MIPOL1: variants seen among roughly 807,000 people sequenced by gnomAD.
The protein encoded by MIPOL1 is mirror-image polydactyly 1.
In MIPOL1, 57 loss-of-function variants were observed where a neutral mutation model predicts 60.9. That is an observed-to-expected ratio of 0.94 (90% CI 0.76 to 1.17). The LOEUF is 1.17. MIPOL1 is among the 50% of genes most tolerant of loss of function. The probability of loss-of-function intolerance (pLI) is 0.00; values close to 1 mark genes in which losing one functional copy is unlikely to be tolerated. For missense variants in MIPOL1, 551 were observed against 511.6 expected, an observed-to-expected ratio of 1.08 and a Z score of -0.74; for synonymous variants, 179 against 168.8, an observed-to-expected ratio of 1.06 and a Z score of -0.47.
chr14:37,465,280 G>A (rs1847520044), intron 11 of MIPOL1, among the ~76,000 whole-genome samples: 2 of 152,138 alleles, frequency 1.3e-5, no homozygotes, highest in Non-Finnish European at 2.9e-5. Context: ...ATACAATACT[G>A]AAATAATCTT....
intron 9 of MIPOL1, among the ~76,000 whole-genome samples, chr14:37,322,878 C>T (rs1415511531): frequency 6.6e-6 from 1 of 151,990 alleles, no homozygotes; most frequent in African/African-American, 2.4e-5. Context: ...GAATATTAGA[C>T]CTTTGTCAGA....
intron 10 of MIPOL1, among the ~76,000 whole-genome samples, chr14:37,416,978 C>T (rs777451300): frequency 6.6e-5 from 10 of 152,094 alleles, no homozygotes; most frequent in African/African-American, 1.2e-4. Flanking sequence ...GGCACTGTTA[C>T]GTTTTACAGA....
intron 6 of MIPOL1, among the ~76,000 whole-genome samples, chr14:37,284,199 A>C (rs1048016558): frequency 6.6e-6 from 1 of 152,144 alleles, no homozygotes; most frequent in Non-Finnish European, 1.5e-5. Context: ...GCAGATGTGC[A>C]CTACTATAAC....
At chr14:37,356,134 C>A (rs1342527672) in intron 9 of MIPOL1, among the ~76,000 whole-genome samples, 1 of 150,532 alleles carries the variant, frequency 6.6e-6, no homozygotes, top group African/African-American at 2.4e-5. Context: ...CAGACAGGAC[C>A]CTCAGCTGCA....
intron 10 of MIPOL1, among the ~76,000 whole-genome samples, chr14:37,391,175 T>G (rs1281647240): frequency 6.6e-6 from 1 of 151,816 alleles, no homozygotes; most frequent in Non-Finnish European, 1.5e-5. Context: ...TAAATATCTT[T>G]CAAAGTGGAA....
At chr14:37,443,514 A>G (rs1256144416) in intron 11 of MIPOL1, among the ~76,000 whole-genome samples, 1 of 151,186 alleles carries the variant, frequency 6.6e-6, no homozygotes, top group Non-Finnish European at 1.5e-5. Flanking sequence ...AATTGAATTC[A>G]TAATTTAAAA....
chr14:37,330,687 G>A, intron 9 of MIPOL1, among the ~76,000 whole-genome samples: 1 of 143,850 alleles, frequency 7.0e-6, no homozygotes, highest in Non-Finnish European at 1.5e-5. Context: ...AGACTGTGTA[G>A]CTTTTGTTTT....
At chr14:37,296,638 A>G (rs1238043882) in intron 7 of MIPOL1, among the ~76,000 whole-genome samples, 1 of 152,238 alleles carries the variant, frequency 6.6e-6, no homozygotes, top group Non-Finnish European at 1.5e-5. Context: ...CACTGATCCC[A>G]CAGAAATACA....
chr14:37,262,197 A>G (rs2082560527), intron 3 of MIPOL1, among the ~76,000 whole-genome samples: 1 of 152,086 alleles, frequency 6.6e-6, no homozygotes. Flanking sequence ...TTATTTGTGC[A>G]CACGGAGACA....
At chr14:37,552,283 A>AT (rs1231881375), downstream of MIPOL1, 3 of 152,122 alleles carry the variant, frequency 2.0e-5, no homozygotes, top group African/African-American at 4.8e-5. Flanking sequence ...CATAATTGTA[A>AT]TTTTTTTAAC....
At chr14:37,262,102 T>C (rs539005908) in intron 3 of MIPOL1, among the ~76,000 whole-genome samples, 1 of 152,160 alleles carries the variant, frequency 6.6e-6, no homozygotes, top group East Asian at 1.9e-4. Context: ...GGAGCACATA[T>C]AATATGCATC....
intron 7 of MIPOL1, among the ~76,000 whole-genome samples, chr14:37,292,182 C>T (rs1397920076): frequency 6.6e-6 from 1 of 151,982 alleles, no homozygotes; most frequent in East Asian, 1.9e-4. Flanking sequence ...GCTTTGGCTT[C>T]CCAAAGTGCT....
intron 6 of MIPOL1, among the ~76,000 whole-genome samples, chr14:37,281,161 T>C (rs143390328): frequency 7.9e-5 from 12 of 152,344 alleles, no homozygotes; most frequent in Non-Finnish European, 1.3e-4. Context: ...TTTTAGTCTT[T>C]AGTGCATTTT....
intron 9 of MIPOL1, among the ~76,000 whole-genome samples, chr14:37,363,077 T>C (rs1490586893): frequency 2.6e-5 from 4 of 152,188 alleles, no homozygotes; most frequent in Non-Finnish European, 5.9e-5. Context: ...CTTGGAGAAG[T>C]TTGTTACTAC....
intron 9 of MIPOL1, among the ~76,000 whole-genome samples, chr14:37,317,959 A>G (rs999984731): frequency 3.3e-5 from 5 of 152,222 alleles, no homozygotes; most frequent in African/African-American, 1.2e-4. Flanking sequence ...TGTAACAAGT[A>G]TAGAAATTAA....
At chr14:37,351,243 CT>C (rs1469012356) in intron 9 of MIPOL1, among the ~76,000 whole-genome samples, 2 of 147,372 alleles carry the variant, frequency 1.4e-5, no homozygotes, top group Admixed American at 6.8e-5. Flanking sequence ...TGAACTCATT[CT>C]TTTTTATGGC....
At position 37,524,559 on chromosome 14, in the gene MIPOL1, C is replaced by CTTTTTTT. The variant is rs1171387928; in HGVS notation, c.1263-22341_1263-22340insTTTTTTT. Among the ~76,000 whole-genome samples, 2 of 18,500 alleles carry CTTTTTTT rather than the reference C, an allele frequency of 1.1e-4. 1 individual carries two copies. The highest frequency in any genetic ancestry group is 1.8e-4 in the Non-Finnish European group (2 of 11,110). The allele number at this position is 18,500 out of a possible 152,430, so 12.1% of individuals were successfully genotyped here. On this transcript the variant is annotated intron_variant, in intron 12 of 12. Coordinates refer to ENST00000684589, the MANE Select transcript of MIPOL1 (RefSeq NM_001388067.1). Reference sequence around the variant, plus strand: ...TGTTCTTCTTGACATCTTAATTTTTCTTTTTCTTTTCTTTTTTTTTTTTTT... The same window carrying CTTTTTTT: ...TGTTCTTCTTGACATCTTAATTTTTCTTTTTTTTTTTTCTTTTCTTTTTTTTTTTTTT...
chr14:37,510,218 G>A (rs552669282), intron 12 of MIPOL1, among the ~76,000 whole-genome samples: 3 of 149,578 alleles, frequency 2.0e-5, no homozygotes, highest in African/African-American at 7.6e-5. Context: ...ATACATATAC[G>A]TGTGTGTGTA....
intron 10 of MIPOL1, among the ~76,000 whole-genome samples, chr14:37,408,365 C>G (rs1325497793): frequency 1.3e-5 from 2 of 152,128 alleles, no homozygotes; most frequent in Non-Finnish European, 2.9e-5. Flanking sequence ...TGCAGTGGCT[C>G]ACACCTGTAG....
Sources: allele counts gnomAD v4.1 joint callset (sites outside exome capture counted in the v4.1 genomes callset), GRCh38; gene constraint gnomAD v4.1.1; transcripts MANE v1.5; gene names NCBI Gene and HGNC (gene_info 2026-07-23, HGNC 2026-07-21).